The following CCDC7 variants were observed in gnomAD, a reference collection of about 807,000 sequenced individuals.
CCDC7 encodes coiled-coil domain containing 7, also known as coiled-coil domain-containing protein 7.
CCDC7 carries 183 observed loss-of-function variants against 196.9 expected under a neutral mutation model. The ratio of observed to expected loss-of-function variants is 0.93; its 90% CI spans 0.82 to 1.05. CCDC7 has a LOEUF of 1.05. Ranked by LOEUF, CCDC7 falls within the 50% of genes least tolerant of loss-of-function variation. The pLI is 0.00. For missense variants in CCDC7, 1,540 were observed against 1,482.2 expected (o/e 1.04, Z -0.64); for synonymous variants, 525 against 484.6 (o/e 1.08, Z -1.10).
chr10:32,817,703 AT>A (rs2089080226), intron 31 of CCDC7, among the ~76,000 whole-genome samples: 1 of 152,230 alleles, frequency 6.6e-6, no homozygotes, highest in South Asian at 2.1e-4. Flanking sequence ...AAAGAAAAGA[AT>A]TTTCAACTCA....
At chr10:32,545,622 T>A (rs1430563589) in intron 13 of CCDC7, among the ~76,000 whole-genome samples, 10 of 152,168 alleles carry the variant, frequency 6.6e-5, no homozygotes, top group African/African-American at 2.4e-4. Flanking sequence ...TTCGTATGTC[T>A]GGGCAGGATG....
At chr10:32,556,416 C>G (rs2054353269) in intron 13 of CCDC7, among the ~76,000 whole-genome samples, 1 of 152,124 alleles carries the variant, frequency 6.6e-6, no homozygotes, top group Admixed American at 6.5e-5. Flanking sequence ...ACTTCTTGCT[C>G]TTGTTTCTCA....
At chr10:32,590,565 A>G (rs1341533753) in intron 18 of CCDC7, among the ~76,000 whole-genome samples, 2 of 152,110 alleles carry the variant, frequency 1.3e-5, no homozygotes, top group Non-Finnish European at 2.9e-5. Context: ...TCTATCTGCT[A>G]CTACCTGTGA....
chr10:32,738,380 A>C, intron 28 of CCDC7, among the ~76,000 whole-genome samples: 1 of 151,974 alleles, frequency 6.6e-6, no homozygotes, highest in East Asian at 1.9e-4. Flanking sequence ...TATATAAGCT[A>C]TAATCATGGA....
chr10:32,720,894 C>G (rs115206470), intron 25 of CCDC7, among the ~76,000 whole-genome samples: 2,964 of 152,154 alleles, frequency 0.019, 102 homozygotes, highest in African/African-American at 0.067. Context: ...GAGTTCAAGA[C>G]CAGCCTGGGC....
Position 32,648,932 on chromosome 10 carries a change from A to G in CCDC7, c.2014+13774A>G, listed in dbSNP as rs554179261. On this transcript the variant is annotated intron_variant, in intron 20 of 41. Transcript: ENST00000639629. ...TAAATACCTATCAATGACAAATTGG[A>G]TAAAGAAAATGTGGTACATATATTC... is the stretch of plus-strand genomic sequence containing the variant. Among the ~76,000 whole-genome samples, 4 of 152,354 alleles carry G rather than the reference A, an allele frequency of 2.6e-5. No individual in the cohort carries two copies. In the South Asian group the frequency reaches 8.3e-4, roughly 32 times the overall value.
intron 10 of CCDC7, 96 bp from the exon 12 acceptor site, chr10:32,518,320 A>G: frequency 7.9e-7 from 1 of 1,270,668 alleles, no homozygotes; most frequent in Non-Finnish European, 1.0e-6. Context: ...TTCATGAGTT[A>G]ATGAAGACTT....
chr10:32,667,098 G>C (rs984479020), intron 21 of CCDC7, among the ~76,000 whole-genome samples: 1 of 152,134 alleles, frequency 6.6e-6, no homozygotes, highest in Non-Finnish European at 1.5e-5. Flanking sequence ...TCTCATTGTG[G>C]TTTTGATTTG....
chr10:32,810,593 G>T (rs187821279), intron 30 of CCDC7, among the ~76,000 whole-genome samples: 1 of 152,052 alleles, frequency 6.6e-6, no homozygotes. Context: ...CTCATTCTCA[G>T]CATTAGACAG....
At position 32,693,779 on chromosome 10, in the gene CCDC7, G is replaced by A. The variant is rs534141445; in HGVS notation, c.2345-1100G>A. Among the ~76,000 whole-genome samples, 3 of 152,160 alleles carry A rather than the reference G, an allele frequency of 2.0e-5. No individual in the cohort carries two copies. The South Asian group carries it at 6.2e-4, about 32-fold the overall frequency. On this transcript the variant is annotated intron_variant, in intron 23 of 41. Coordinates refer to ENST00000639629, the Ensembl canonical transcript of CCDC7. ...CACATTCCAAAGATATGTATGTTAGGTAAATTGATGTGTCTAAATGGTCCC... is the reference window on the plus strand; with the variant it reads ...CACATTCCAAAGATATGTATGTTAGATAAATTGATGTGTCTAAATGGTCCC...
chr10:32,567,614 T>A lies in CCDC7; in HGVS notation c.1198-56T>A, dbSNP rs2057016961. 7.3e-6 allele frequency: 11 copies of A among 1,516,994 alleles called. No homozygotes were observed. The South Asian group carries it at 1.4e-4, about 19-fold the overall frequency. The allele number at this position is 1,516,994 out of a possible 1,614,324, so 94.0% of individuals were successfully genotyped here. On this transcript the variant is annotated intron_variant, in intron 14 of 41. Coordinates refer to ENST00000639629, the Ensembl canonical transcript of CCDC7. ...ATATGTAGATTCCTGAATGTGGTAG[T>A]ATTGGCAGGAAAATATCAGAAAATG...
At chr10:32,726,788 T>G in exon 26 of CCDC7, 1 of 1,602,952 alleles carries the variant, frequency 6.2e-7, no homozygotes, top group Non-Finnish European at 8.5e-7. Context: ...AAACTCCAAA[T>G]GCAAGAAAAG....
chr10:32,471,647 A>G (rs1050123042), intron 6 of CCDC7, among the ~76,000 whole-genome samples: 2 of 152,202 alleles, frequency 1.3e-5, no homozygotes, highest in African/African-American at 4.8e-5. Context: ...GAACACCTTC[A>G]TTAATTATAT....
chr10:32,472,179 G>A (rs561030932), intron 6 of CCDC7, among the ~76,000 whole-genome samples: 108 of 152,114 alleles, frequency 7.1e-4, no homozygotes, highest in African/African-American at 2.4e-3. Flanking sequence ...ATAATACTTC[G>A]ACAAAAAGAT....
chr10:32,825,233 A>C (rs956941875), intron 32 of CCDC7, among the ~76,000 whole-genome samples: 1 of 152,222 alleles, frequency 6.6e-6, no homozygotes, highest in African/African-American at 2.4e-5. Flanking sequence ...ATGATGGTTA[A>C]TACTGTCAAT....
intron 16 of CCDC7, among the ~76,000 whole-genome samples, chr10:32,576,372 T>TCTA (rs2058191686): frequency 6.6e-6 from 1 of 151,830 alleles, no homozygotes; most frequent in Admixed American, 6.6e-5. Flanking sequence ...CTCCCTAACT[T>TCTA]CTAGGTGCTT....
chr10:32,677,288 C>T (rs1470089685), intron 21 of CCDC7, among the ~76,000 whole-genome samples: 1 of 151,370 alleles, frequency 6.6e-6, no homozygotes. Flanking sequence ...ATGGGTGCAG[C>T]ACACCAGCAT....
intron 18 of CCDC7, among the ~76,000 whole-genome samples, chr10:32,608,360 C>G (rs939178387): frequency 2.6e-5 from 4 of 151,788 alleles, no homozygotes; most frequent in African/African-American, 9.7e-5. Flanking sequence ...TCCTCCTTTT[C>G]TGGTTCCTTG....
intron 12 of CCDC7, 47 bp from the exon 14 acceptor site, chr10:32,544,200 T>A: frequency 6.6e-7 from 1 of 1,505,148 alleles, no homozygotes; most frequent in Non-Finnish European, 9.1e-7. Context: ...AAAGCAGTGA[T>A]GCATTTAAAA....
Sources: allele counts gnomAD v4.1 joint callset (sites outside exome capture counted in the v4.1 genomes callset), GRCh38; gene constraint gnomAD v4.1.1; transcripts MANE v1.5; gene names NCBI Gene and HGNC (gene_info 2026-07-23, HGNC 2026-07-21).